HSD17B3: variants seen among roughly 807,000 people sequenced by gnomAD.
HSD17B3 encodes hydroxysteroid 17-beta dehydrogenase 3, also known as 17-beta-hydroxysteroid dehydrogenase type 3.
In HSD17B3, 29 loss-of-function variants were observed where a neutral mutation model predicts 41.1. The ratio of observed to expected loss-of-function variants is 0.71; its 90% confidence interval spans 0.53 to 0.96. HSD17B3 has a LOEUF of 0.96. HSD17B3 is among the 40% of genes least tolerant of loss of function. The pLI is 0.00. For missense variants in HSD17B3, 323 were observed against 374.6 expected (o/e 0.86, Z 1.14); for synonymous variants, 126 against 145.6 (o/e 0.87, Z 0.97).
At chr9:96,236,332 C>G (rs1374973257) in intron 10 of HSD17B3, among the ~76,000 whole-genome samples, 1 of 151,454 alleles carries the variant, frequency 6.6e-6, no homozygotes. Flanking sequence ...GCCTGGCCAA[C>G]ATGGTGAAAC....
In HSD17B3 at chr9:96,240,838, C is replaced by T; in HGVS notation, c.742G>A (p.Ala248Thr). ...YLNTNVITKT[A>T]DEFVKESLNY... is the part of the protein sequence containing the mutation. ...AATGACTCTTTGACAAACTCATCAG[C>T]AGTCTTGGTTATCACATTTGTATTT... The change falls in exon 10 of 11, where the codon GCT (alanine) becomes ACT (threonine). Residue 248 changes from alanine (A) to threonine (T), a missense_variant. Ala to Thr is a moderately conservative substitution (Grantham distance 58). Transcript: ENST00000375263. 1 of 1,614,174 alleles carries T rather than the reference C, an allele frequency of 6.2e-7. No homozygotes were observed.
Position 96,235,423 on chromosome 9 carries a change from G to T in HSD17B3, c.*37C>A. On this transcript the variant is annotated 3_prime_UTR_variant, in exon 11 of 11. Transcript: ENST00000375263. ...GTCCTCTTCAGCCAGCATGGGACTG[G>T]TGAGGAAAAGGTTGTGCTGGACTCC... The T allele has an allele frequency of 7.0e-7, 1 of 1,420,896 alleles. No individual in the cohort carries two copies. The highest frequency in any genetic ancestry group is 9.9e-7 in the Non-Finnish European group (1 of 1,011,126). 88.0% of individuals were successfully genotyped at this position (1,420,896 alleles called of 1,614,324 possible).
At chr9:96,288,254 G>A (rs759023587) in intron 2 of HSD17B3, among the ~76,000 whole-genome samples, 2 of 152,178 alleles carry the variant, frequency 1.3e-5, no homozygotes, top group Non-Finnish European at 2.9e-5. Context: ...GTACACTTGG[G>A]TGAATTTTAT....
At chr9:96,264,822 T>C (rs532775405) in intron 2 of HSD17B3, among the ~76,000 whole-genome samples, 149 of 152,374 alleles carry the variant, frequency 9.8e-4, no homozygotes, top group African/African-American at 3.5e-3. Context: ...AAAAGCTTAT[T>C]TACTTTACAG....
At chr9:96,254,780 G>C (rs903918209) in intron 3 of HSD17B3, 88 bp downstream of exon 3, 3 of 1,116,348 alleles carry the variant, frequency 2.7e-6, no homozygotes, top group Non-Finnish European at 4.1e-6. Flanking sequence ...AGCAGATGTG[G>C]GGATGCCAAG....
Position 96,245,374 on chromosome 9 carries a change from G to C in HSD17B3, c.577C>G (p.Pro193Ala). Residue 193 changes from proline to alanine, a missense_variant, in exon 8 of 11, where the codon CCT (proline) becomes GCT (alanine). By Grantham distance (27) the Pro-to-Ala change is conservative. Coordinates refer to ENST00000375263, the MANE Select transcript of HSD17B3 (RefSeq NM_000197.2). ...ISSGIALFPW[P>A]LYSMYSASKA... ...GAAGCTGAGTACATGGAGTAGAGAGGCCAAGGAAACAGGGCTATCCCAGAA... is the reference window on the plus strand; with the variant it reads ...GAAGCTGAGTACATGGAGTAGAGAGCCCAAGGAAACAGGGCTATCCCAGAA... The C allele has an allele frequency of 6.2e-7, 1 of 1,613,974 alleles. No homozygotes were observed. The highest frequency in any genetic ancestry group is 1.3e-5 in the African/African-American group (1 of 75,038).
rs544139030 is a variant in HSD17B3 at position 96,250,788 on chromosome 9, T to C, written c.453+630A>G. On this transcript the variant is annotated intron_variant, in intron 5 of 10. Coordinates refer to ENST00000375263, the MANE Select transcript of HSD17B3 (RefSeq NM_000197.2). ...CTGCAGTCCCAGCTACTCAGGAGGC[T>C]GAGGCAGGAGAATCGCTTGAACCCG... Among the ~76,000 whole-genome samples the C allele has an allele frequency of 4.7e-5, 7 of 150,238 alleles. No homozygotes were observed. The South Asian group carries it at 1.3e-3, about 27-fold the overall frequency.
intron 2 of HSD17B3, among the ~76,000 whole-genome samples, chr9:96,272,364 T>A (rs1826274616): frequency 1.6e-5 from 2 of 121,836 alleles, no homozygotes; most frequent in African/African-American, 6.2e-5. Flanking sequence ...GCAACAAGAG[T>A]AAGACTGCAT....
intron 2 of HSD17B3, among the ~76,000 whole-genome samples, chr9:96,275,278 T>C (rs1826405121): frequency 6.6e-6 from 1 of 152,086 alleles, no homozygotes. Flanking sequence ...ACACAAATCA[T>C]ATGAAAGCAT....
chr9:96,235,687 T>G, intron 10 of HSD17B3, 117 bp from the exon 11 acceptor site: 2 of 837,384 alleles, frequency 2.4e-6, no homozygotes, highest in Non-Finnish European at 2.0e-6. Flanking sequence ...CCAGAACCTT[T>G]TATGTAATTG....
intron 2 of HSD17B3, among the ~76,000 whole-genome samples, chr9:96,278,625 T>C (rs1040532145): frequency 2.6e-5 from 4 of 152,138 alleles, no homozygotes; most frequent in Non-Finnish European, 5.9e-5. Flanking sequence ...TTACACACAC[T>C]CCCTAAGGGA....
chr9:96,286,172 C>T (rs932182435), intron 2 of HSD17B3, among the ~76,000 whole-genome samples: 6 of 152,110 alleles, frequency 3.9e-5, no homozygotes, highest in African/African-American at 1.2e-4. Flanking sequence ...GACAAAACTC[C>T]ATCTCTACTA....
chr9:96,299,822 A>C (rs1262285586), intron 1 of HSD17B3, among the ~76,000 whole-genome samples: 1 of 152,106 alleles, frequency 6.6e-6, no homozygotes, highest in Non-Finnish European at 1.5e-5. Flanking sequence ...TGAGGAATTA[A>C]AAATTTAGCC....
At chr9:96,238,244 G>A (rs73543262) in intron 10 of HSD17B3, among the ~76,000 whole-genome samples, 19,890 of 152,014 alleles carry the variant, frequency 0.13, 1,978 homozygotes, top group African/African-American at 0.27. Flanking sequence ...TTCAGATGCT[G>A]ATGAGTTCTG....
chr9:96,248,305 A>G (rs1406468626), intron 6 of HSD17B3, among the ~76,000 whole-genome samples: 2 of 152,254 alleles, frequency 1.3e-5, no homozygotes, highest in Non-Finnish European at 2.9e-5. Flanking sequence ...ATGCTTATAG[A>G]AAAACAACCA....
intron 2 of HSD17B3, among the ~76,000 whole-genome samples, chr9:96,270,650 T>C (rs959339793): frequency 8.5e-5 from 13 of 152,382 alleles, no homozygotes; most frequent in African/African-American, 1.9e-4. Flanking sequence ...AAGGGCCAAC[T>C]GTGTGCCATT....
chr9:96,252,975 T>C (rs1825485082), intron 3 of HSD17B3, 65 bp from the exon 4 acceptor site: 2 of 982,678 alleles, frequency 2.0e-6, no homozygotes, highest in South Asian at 2.6e-5. Context: ...CCATGAAGTT[T>C]CCCCCAGTGC....
At chr9:96,241,732 C>T (rs1587712180) in intron 9 of HSD17B3, among the ~76,000 whole-genome samples, 1 of 151,916 alleles carries the variant, frequency 6.6e-6, no homozygotes, top group Non-Finnish European at 1.5e-5. Flanking sequence ...CCCAGGAGTG[C>T]GAGACCAGCC....
At chr9:96,277,834 G>GGC (rs1366081431) in intron 2 of HSD17B3, among the ~76,000 whole-genome samples, 9 of 89,212 alleles carry the variant, frequency 1.0e-4, no homozygotes, top group African/African-American at 3.7e-4. Context: ...AGGAAAATGT[G>GGC]GCACACACAC....
Sources: allele counts gnomAD v4.1 joint callset (sites outside exome capture counted in the v4.1 genomes callset), GRCh38; gene constraint gnomAD v4.1.1; transcripts MANE v1.5; gene names NCBI Gene and HGNC (gene_info 2026-07-23, HGNC 2026-07-21).